OXCT1: variants seen among roughly 807,000 people sequenced by gnomAD.
OXCT1 encodes the protein 3-oxoacid CoA-transferase 1.
In OXCT1, 27 loss-of-function variants were observed where a neutral mutation model predicts 69.6. The observed-to-expected ratio is 0.39, with a 90% CI of 0.29 to 0.54. OXCT1 has a LOEUF of 0.54. Ranked by LOEUF, OXCT1 falls within the 20% of genes least tolerant of loss-of-function variation. The pLI is 0.72. For synonymous variants in OXCT1, 202 were observed against 217.8 expected (o/e 0.93, Z 0.64); for missense variants, 437 against 650.2 (o/e 0.67, Z 3.57).
intron 7 of OXCT1, among the ~76,000 whole-genome samples, chr5:41,817,086 C>A (rs1416262939): frequency 2.0e-5 from 3 of 152,046 alleles, no homozygotes; most frequent in South Asian, 2.1e-4. Context: ...AAACTCAACA[C>A]CATATTTGAA....
intron 4 of OXCT1, among the ~76,000 whole-genome samples, chr5:41,850,413 G>A (rs1011857709): frequency 1.1e-4 from 16 of 152,118 alleles, no homozygotes; most frequent in African/African-American, 3.6e-4. Flanking sequence ...TATTTGTATA[G>A]TCATGCATTG....
chr5:41,731,621 A>G lies in OXCT1; in HGVS notation c.*108T>C. On this transcript the variant is annotated 3_prime_UTR_variant, in exon 17 of 17. Transcript: ENST00000196371. ...ATAAAGTCTGAAACACAAGAAAACT[A>G]ATAAAAAACCACCTGTTAAATACAC... is the stretch of plus-strand genomic sequence containing the variant. The G allele has an allele frequency of 6.8e-7, 1 of 1,464,750 alleles. No individual in the cohort carries two copies. Among genetic ancestry groups the G allele is most frequent in the Admixed American group, 2.0e-5 (1 of 49,726 alleles). The allele number at this position is 1,464,750 out of a possible 1,614,324, so 90.7% of individuals were successfully genotyped here.
Position 41,870,098 on chromosome 5 carries a change from C to A in OXCT1, c.78+183G>T. 3 of 661,856 alleles carry A rather than the reference C, an allele frequency of 4.5e-6. No homozygotes were observed. The highest frequency in any genetic ancestry group is 8.3e-6 in the Non-Finnish European group (3 of 363,222). 41.0% of individuals were successfully genotyped at this position (661,856 alleles called of 1,614,324 possible). The stretch of plus-strand genomic sequence containing the variant: ...GACTGCAGAACCAAGCAAAGGCGGT[C>A]ATCCGAGGGGCCGGCGAGGCCAGGA... On this transcript the variant is annotated intron_variant, in intron 1 of 16. Transcript: ENST00000196371. This position sits in a 1 kb window ranked among gnomAD's most constrained non-coding sequence, Gnocchi z 4.2.
rs182923746 is a variant in OXCT1, at chr5:41,768,845, G to A, written c.1249-6645C>T. ...GCTCCTCTGCATAAAACCCTTCAGCGCTTCAGGGTAAAGTCCAAGCACCTC... is the reference window on the plus strand; with the variant it reads ...GCTCCTCTGCATAAAACCCTTCAGCACTTCAGGGTAAAGTCCAAGCACCTC... On this transcript the variant is annotated intron_variant, in intron 13 of 16. Transcript: ENST00000196371. 7.6e-4 allele frequency among the ~76,000 whole-genome samples: 116 copies of A among 152,210 alleles called. 2 individuals carry two copies. The East Asian group carries it at 0.021, about 28-fold the overall frequency.
At chr5:41,829,285 A>G (rs542069247) in intron 7 of OXCT1, among the ~76,000 whole-genome samples, 2 of 152,294 alleles carry the variant, frequency 1.3e-5, no homozygotes, top group East Asian at 3.9e-4. Flanking sequence ...TTTACATAAT[A>G]CAGGTTAATA....
intron 13 of OXCT1, among the ~76,000 whole-genome samples, chr5:41,767,838 T>G (rs901273982): frequency 3.3e-5 from 5 of 150,598 alleles, no homozygotes; most frequent in African/African-American, 1.2e-4. Context: ...ATCCTCCACT[T>G]AGGGGCTTCT....
rs961618334 is a variant in OXCT1, at chr5:41,751,512, C to G, written c.1339-1905G>C. 3.3e-5 allele frequency among the ~76,000 whole-genome samples: 5 copies of G among 152,108 alleles called. No homozygotes were observed. In the South Asian group the frequency reaches 6.2e-4, roughly 19 times the overall value. ...AGAGCCAAAGGACCTGTGTGTAAAACCTGGCCATGCCCCCCACTGTCTCTG... is the reference window on the plus strand; with the variant it reads ...AGAGCCAAAGGACCTGTGTGTAAAAGCTGGCCATGCCCCCCACTGTCTCTG... On this transcript the variant is annotated intron_variant, in intron 14 of 16. Coordinates refer to ENST00000196371, the MANE Select transcript of OXCT1 (RefSeq NM_000436.4).
At chr5:41,751,907 A>G (rs1490474550) in intron 14 of OXCT1, among the ~76,000 whole-genome samples, 1 of 152,118 alleles carries the variant, frequency 6.6e-6, no homozygotes, top group Non-Finnish European at 1.5e-5. Flanking sequence ...AACACAGATC[A>G]AGGAAAAAGA....
At chr5:41,869,704 G>T (rs1464487899) in intron 1 of OXCT1, among the ~76,000 whole-genome samples, 2 of 152,164 alleles carry the variant, frequency 1.3e-5, no homozygotes, top group African/African-American at 4.8e-5. Flanking sequence ...AGTCTACGGG[G>T]CAGCAGAGCC....
intron 7 of OXCT1, among the ~76,000 whole-genome samples, chr5:41,812,965 T>G (rs899576697): frequency 6.6e-6 from 1 of 152,018 alleles, no homozygotes; most frequent in Non-Finnish European, 1.5e-5. Context: ...ACAACAGTAT[T>G]CTAAAATGGA....
chr5:41,763,363 A>G (rs2112106464), intron 13 of OXCT1, among the ~76,000 whole-genome samples: 1 of 152,210 alleles, frequency 6.6e-6, no homozygotes, highest in South Asian at 2.1e-4. Flanking sequence ...AGAGTACAAA[A>G]TGAGCCTGGT....
At chr5:41,743,612 G>T (rs1158714128) in intron 15 of OXCT1, among the ~76,000 whole-genome samples, 1 of 152,114 alleles carries the variant, frequency 6.6e-6, no homozygotes, top group African/African-American at 2.4e-5. Context: ...TATGGTTTTA[G>T]GTCTAACATT....
chr5:41,769,576 A>AG (rs1199114474), intron 13 of OXCT1, among the ~76,000 whole-genome samples: 1 of 151,610 alleles, frequency 6.6e-6, no homozygotes, highest in East Asian at 1.9e-4. Flanking sequence ...AAAAAAAAAA[A>AG]AAAGTCACTA....
chr5:41,860,005 T>C (rs1749664389), intron 3 of OXCT1, among the ~76,000 whole-genome samples: 1 of 151,248 alleles, frequency 6.6e-6, no homozygotes, highest in Non-Finnish European at 1.5e-5. Context: ...CATCAAGAAT[T>C]TTATATTGAT....
chr5:41,807,266 C>T, intron 8 of OXCT1, 65 bp downstream of exon 8: 2 of 882,318 alleles, frequency 2.3e-6, no homozygotes, highest in Non-Finnish European at 3.9e-6. Flanking sequence ...TCTCGAATGG[C>T]CCCAGGGATG....
Position 41,780,741 on chromosome 5 carries a change from A to G in OXCT1, c.1248+13262T>C, listed in dbSNP as rs567069951. Among the ~76,000 whole-genome samples, 36 of 152,342 alleles carry G rather than the reference A, an allele frequency of 2.4e-4. No homozygotes were observed. The South Asian group carries it at 3.7e-3, about 16-fold the overall frequency. On this transcript the variant is annotated intron_variant, in intron 13 of 16. Coordinates refer to ENST00000196371, the MANE Select transcript of OXCT1 (RefSeq NM_000436.4). ...AGCTCAAAATATTGACAAGAACTAT[A>G]AAATAATGTAACAAATGTAATGGAG...
At chr5:41,824,162 C>T (rs756442640) in intron 7 of OXCT1, among the ~76,000 whole-genome samples, 23 of 152,116 alleles carry the variant, frequency 1.5e-4, no homozygotes, top group Non-Finnish European at 2.9e-4. Flanking sequence ...AACTCTTCCC[C>T]CTACCAATTT....
At chr5:41,834,507 A>C (rs373799837) in intron 7 of OXCT1, among the ~76,000 whole-genome samples, 1 of 151,470 alleles carries the variant, frequency 6.6e-6, no homozygotes, top group African/African-American at 2.4e-5. Context: ...AAAAAAAACA[A>C]AACAGAACAG....
intron 7 of OXCT1, among the ~76,000 whole-genome samples, chr5:41,810,578 C>T (rs915626066): frequency 2.6e-5 from 4 of 152,020 alleles, no homozygotes; most frequent in Non-Finnish European, 1.5e-5. Flanking sequence ...GAAAAATAGA[C>T]ACTAGGAAAT....
Sources: gnomAD v4.1 joint callset for allele counts (sites outside exome capture counted in the v4.1 genomes callset) on GRCh38, gnomAD v4.1.1 for gene constraint, Gnocchi (gnomAD v3.1) non-coding constraint, MANE v1.5 for transcripts, NCBI Gene and HGNC (gene_info 2026-07-23, HGNC 2026-07-21) for gene names.